Variants in CDC42BPA observed in about 807,000 individuals in gnomAD.
CDC42BPA encodes CDC42 binding protein kinase alpha.
A neutral mutation model predicts 223.5 loss-of-function variants in CDC42BPA; 80 were observed. The ratio of observed to expected loss-of-function variants is 0.36; its 90% confidence interval spans 0.30 to 0.43. CDC42BPA has a LOEUF of 0.43. Among genes scored for constraint, CDC42BPA ranks in the 20% least tolerant of loss-of-function variants. The pLI, the probability that CDC42BPA is intolerant of heterozygous loss-of-function variation, is 1.00. For synonymous variants in CDC42BPA, 694 were observed against 718.6 expected (o/e 0.97, Z 0.55); for missense variants, 1,743 against 2,099.9 (o/e 0.83, Z 3.32).
At chr1:227,199,821 T>C (rs955391276) in intron 3 of CDC42BPA, among the ~76,000 whole-genome samples, 169 bp from the exon 4 acceptor site, 2 of 152,112 alleles carry the variant, frequency 1.3e-5, no homozygotes, top group African/African-American at 2.4e-5. Context: ...ACTGGGCTAC[T>C]GGAATAGTAC....
chr1:227,190,915 A>T (rs1442599693), intron 5 of CDC42BPA, among the ~76,000 whole-genome samples: 1 of 152,174 alleles, frequency 6.6e-6, no homozygotes, highest in African/African-American at 2.4e-5. Flanking sequence ...GGAAGTGTAT[A>T]CAAATTGTTA....
chr1:227,317,252 T>C lies in CDC42BPA; in HGVS notation c.-70A>G, dbSNP rs959427470. 1.0e-5 allele frequency: 15 copies of C among 1,488,454 alleles called. No homozygotes were observed. The African/African-American group carries it at 2.1e-4, about 21-fold the overall frequency. 92.2% of individuals were successfully genotyped at this position (1,488,454 alleles called of 1,614,324 possible). On this transcript the variant is annotated 5_prime_UTR_variant, in exon 1 of 37. Coordinates refer to ENST00000366766, the MANE Select transcript of CDC42BPA (RefSeq NM_001394014.1). ...ACTTTTACTATTATCTGAACCTAAA[T>C]TTTAAAAGGTATGGTTTTAAAAATA...
At chr1:227,120,757 CG>C (rs1688523211) in intron 11 of CDC42BPA, among the ~76,000 whole-genome samples, 1 of 152,166 alleles carries the variant, frequency 6.6e-6, no homozygotes, top group Non-Finnish European at 1.5e-5. Flanking sequence ...CACTCATTAT[CG>C]GTTCTGCTCT....
intron 11 of CDC42BPA, among the ~76,000 whole-genome samples, chr1:227,125,258 GAGCTAGATTTCC>G (rs1229218408): frequency 1.3e-5 from 2 of 151,774 alleles, no homozygotes; most frequent in African/African-American, 4.8e-5. Flanking sequence ...AGTGCAGGGG[GAGCTAGATTTCC>G]AACCTCATGA....
At chr1:227,203,197 T>G (rs557166809) in intron 3 of CDC42BPA, among the ~76,000 whole-genome samples, 1 of 152,294 alleles carries the variant, frequency 6.6e-6, no homozygotes, top group African/African-American at 2.4e-5. Flanking sequence ...ATCTAGCTAT[T>G]AAATGATTCC....
intron 5 of CDC42BPA, among the ~76,000 whole-genome samples, chr1:227,185,762 T>TTC (rs1553382670): frequency 2.4e-4 from 37 of 151,710 alleles, no homozygotes; most frequent in African/African-American, 8.9e-4. Context: ...TCGTTTTTTT[T>TTC]CTAATTCAAC....
intron 13 of CDC42BPA, 114 bp from the exon 14 acceptor site, chr1:227,112,536 C>T: frequency 1.0e-6 from 1 of 958,164 alleles, no homozygotes; most frequent in Non-Finnish European, 1.5e-6. Context: ...ATGTTTAAAT[C>T]CATATTAAAT....
At chr1:227,250,347 G>A (rs1681752720) in intron 2 of CDC42BPA, among the ~76,000 whole-genome samples, 1 of 152,162 alleles carries the variant, frequency 6.6e-6, no homozygotes, top group South Asian at 2.1e-4. Flanking sequence ...AACTAGCCAG[G>A]CATGGTAGTG....
rs761428585 is a variant in CDC42BPA at position 227,069,827 on chromosome 1, A to C, written c.2854T>G (p.Ser952Ala). ...GGCGTATTCAAAAATGCCAAGAAAG[A>C]ATGCTGTGAGTCTTGGTGCTCTATA... ...KGIEHQDSQH[S>A]FLAFLNTPTD... Residue 952 changes from serine (S) to alanine (A), a missense_variant, in exon 21 of 37, where the codon TCT becomes GCT. Coordinates refer to ENST00000366766, the MANE Select transcript of CDC42BPA (RefSeq NM_001394014.1). 7 of 1,611,762 alleles carry C rather than the reference A, an allele frequency of 4.3e-6. No individual in the cohort carries two copies. Among genetic ancestry groups the C allele is most frequent in the Non-Finnish European group, 5.9e-6 (7 of 1,178,378 alleles).
intron 16 of CDC42BPA, among the ~76,000 whole-genome samples, chr1:227,085,643 T>C (rs142744170): frequency 1.7e-4 from 26 of 152,350 alleles, no homozygotes; most frequent in Admixed American, 4.6e-4. Flanking sequence ...ATAGAGTTTG[T>C]CTGTAATACC....
intron 2 of CDC42BPA, among the ~76,000 whole-genome samples, chr1:227,232,657 T>C (rs1416612186): frequency 6.6e-6 from 1 of 152,216 alleles, no homozygotes; most frequent in Non-Finnish European, 1.5e-5. Flanking sequence ...GCCGCAGGTC[T>C]GTTGGAGTTT....
chr1:227,096,049 A>T (rs1256946981), intron 15 of CDC42BPA, among the ~76,000 whole-genome samples: 1 of 152,212 alleles, frequency 6.6e-6, no homozygotes, highest in Admixed American at 6.5e-5. Flanking sequence ...AAACAATGTA[A>T]GTAATGGTTG....
At chr1:227,010,139 G>A (rs1664889058) in intron 34 of CDC42BPA, among the ~76,000 whole-genome samples, 1 of 152,136 alleles carries the variant, frequency 6.6e-6, no homozygotes, top group Non-Finnish European at 1.5e-5. Context: ...ATGGCCACCA[G>A]CTCTCCACCC....
chr1:227,291,738 C>G (rs1689736948), intron 1 of CDC42BPA, among the ~76,000 whole-genome samples: 1 of 152,170 alleles, frequency 6.6e-6, no homozygotes. Flanking sequence ...ATCAGGTTTT[C>G]TGTTCCAACC....
intron 2 of CDC42BPA, among the ~76,000 whole-genome samples, chr1:227,232,741 G>A (rs531363898): frequency 2.0e-5 from 3 of 152,314 alleles, no homozygotes; most frequent in South Asian, 4.2e-4. Flanking sequence ...ATTGCAGAAC[G>A]GCTAATATTG....
At chr1:227,259,723 T>C (rs1007440301) in intron 1 of CDC42BPA, among the ~76,000 whole-genome samples, 23 of 150,982 alleles carry the variant, frequency 1.5e-4, no homozygotes, top group African/African-American at 5.5e-4. Context: ...AGTACTACTA[T>C]GACACTGCTA....
At chr1:227,286,564 C>T (rs932514633) in intron 1 of CDC42BPA, among the ~76,000 whole-genome samples, 1 of 152,158 alleles carries the variant, frequency 6.6e-6, no homozygotes, top group African/African-American at 2.4e-5. Context: ...CTTAGCCCTC[C>T]AAACTCTTCC....
intron 21 of CDC42BPA, among the ~76,000 whole-genome samples, chr1:227,057,947 T>C (rs1251466139): frequency 6.6e-6 from 1 of 152,190 alleles, no homozygotes; most frequent in African/African-American, 2.4e-5. Context: ...TATAACCTTA[T>C]TGAAAAAACA....
intron 5 of CDC42BPA, among the ~76,000 whole-genome samples, chr1:227,187,722 T>G (rs759405090): frequency 1.4e-4 from 16 of 113,534 alleles, no homozygotes; most frequent in Non-Finnish European, 2.5e-4. Context: ...GCACACCATT[T>G]TCAAACTACA....
Sources: gnomAD v4.1 joint callset for allele counts (sites outside exome capture counted in the v4.1 genomes callset) on GRCh38, gnomAD v4.1.1 for gene constraint, MANE v1.5 for transcripts, NCBI Gene and HGNC (gene_info 2026-07-23, HGNC 2026-07-21) for gene names.